Variants in PACS1 observed in about 807,000 individuals in gnomAD.
PACS1 encodes PACS-1.
PACS1 carries 24 observed loss-of-function variants against 115.0 expected under a neutral mutation model. The ratio of observed to expected loss-of-function variants is 0.21; its 90% CI spans 0.15 to 0.29. PACS1 has a LOEUF of 0.29. PACS1 is among the 10% of genes least tolerant of loss of function. PACS1 has a pLI of 1.00. For missense variants in PACS1, 838 were observed against 1,251.2 expected, an observed-to-expected ratio of 0.67 and a Z score of 4.98; for synonymous variants, 453 against 504.5, an observed-to-expected ratio of 0.90 and a Z score of 1.37.
intron 1 of PACS1, among the ~76,000 whole-genome samples, chr11:66,115,759 C>A (rs980500569): frequency 6.6e-6 from 1 of 152,228 alleles, no homozygotes; most frequent in Non-Finnish European, 1.5e-5. Flanking sequence ...TATTAGCTGA[C>A]CTCGGTATTA....
At position 66,212,919 on chromosome 11, in the gene PACS1, G is replaced by A. The variant is rs1188688819; in HGVS notation, c.660+1660G>A. Reference sequence around the variant, plus strand: ...GGCTGGAGTGCGCTGGCACAATCTCGGCTCACTGCAACCTCTACCTCCCGG... The same window carrying A: ...GGCTGGAGTGCGCTGGCACAATCTCAGCTCACTGCAACCTCTACCTCCCGG... On this transcript the variant is annotated intron_variant, in intron 4 of 23. Coordinates refer to ENST00000320580, the MANE Select transcript of PACS1 (RefSeq NM_018026.4). 1.4e-4 allele frequency among the ~76,000 whole-genome samples: 21 copies of A among 152,202 alleles called. No individual in the cohort carries two copies. In the South Asian group the frequency reaches 2.7e-3, roughly 20 times the overall value.
intron 1 of PACS1, among the ~76,000 whole-genome samples, chr11:66,178,638 T>C (rs1041086803): frequency 6.6e-6 from 1 of 152,018 alleles, no homozygotes; most frequent in Non-Finnish European, 1.5e-5. Context: ...ATAATAAAAT[T>C]AAAATAAAAA....
At chr11:66,108,671 G>A (rs891683115) in intron 1 of PACS1, among the ~76,000 whole-genome samples, 2 of 152,158 alleles carry the variant, frequency 1.3e-5, no homozygotes, top group East Asian at 1.9e-4. Context: ...AGGCTGAAGT[G>A]GGAGGATCAC....
intron 10 of PACS1, among the ~76,000 whole-genome samples, chr11:66,222,519 C>T (rs1234709043): frequency 3.3e-5 from 5 of 152,062 alleles, no homozygotes; most frequent in Admixed American, 6.6e-5. Context: ...GCTCTTCCTT[C>T]GTTTACAATG....
chr11:66,092,308 C>T (rs1453623762), intron 1 of PACS1, among the ~76,000 whole-genome samples: 2 of 152,118 alleles, frequency 1.3e-5, no homozygotes, highest in African/African-American at 4.8e-5. Context: ...TTTTTGGCTG[C>T]ATAAATGTCT....
intron 1 of PACS1, among the ~76,000 whole-genome samples, chr11:66,128,816 G>A (rs937612457): frequency 3.3e-5 from 5 of 151,766 alleles, no homozygotes; most frequent in African/African-American, 1.2e-4. Flanking sequence ...CCCGTGAGGC[G>A]GAGGTTGCAG....
At chr11:66,149,090 C>CTTTT (rs10717909) in intron 1 of PACS1, among the ~76,000 whole-genome samples, 1 of 98,134 alleles carries the variant, frequency 1.0e-5, no homozygotes, top group African/African-American at 4.0e-5. Context: ...TGCACACGCA[C>CTTTT]TTTTTTTTTT....
Position 66,234,246 on chromosome 11 carries a change from A to G in PACS1, c.2104+4A>G, listed in dbSNP as rs751969864. On this transcript the variant is annotated splice_donor_region_variant and intron_variant, in intron 17 of 23. Coordinates refer to ENST00000320580, the MANE Select transcript of PACS1 (RefSeq NM_018026.4). The stretch of plus-strand genomic sequence containing the variant: ...CGCTCGGAGCCACCAGTGTCAGGTA[A>G]TGGCCCCGTGTAAGGAGCTTACTCC... The G allele has an allele frequency of 1.2e-6, 2 of 1,602,944 alleles. No homozygotes were observed. Among genetic ancestry groups the G allele is most frequent in the African/African-American group, 1.3e-5 (1 of 74,690 alleles).
chr11:66,070,955 C>A lies in PACS1; in HGVS notation c.356+113C>A. 1 of 1,115,824 alleles carries A rather than the reference C, an allele frequency of 9.0e-7. No individual in the cohort carries two copies. The highest frequency in any genetic ancestry group is 1.2e-6 in the Non-Finnish European group (1 of 852,682). The allele number at this position is 1,115,824 out of a possible 1,614,324, so 69.1% of individuals were successfully genotyped here. A position where few individuals can be genotyped will look rare whatever the true frequency, so the allele number is the denominator to read the frequency against. On this transcript the variant is annotated intron_variant, in intron 1 of 23. Coordinates refer to ENST00000320580, the MANE Select transcript of PACS1 (RefSeq NM_018026.4). This position sits in a 1 kb window ranked among gnomAD's most constrained non-coding sequence, Gnocchi z 5.9. ...CCGCCCTCCATCTCCCCGACTGTCC[C>A]GCGGCCCGGCCTGGCTCCAGCCAGG...
At position 66,234,227 on chromosome 11, in the gene PACS1, G is replaced by A. The variant is rs201575137; in HGVS notation, c.2089G>A (p.Glu697Lys). 3.1e-6 allele frequency: 5 copies of A among 1,613,250 alleles called. No individual in the cohort carries two copies. Among genetic ancestry groups the A allele is most frequent in the Non-Finnish European group, 4.2e-6 (5 of 1,179,314 alleles). The change falls in exon 17 of 24, where the codon GAG becomes AAG. Residue 697 changes from glutamate (E) to lysine (K), a missense_variant. Physicochemically the swap from Glu to Lys is moderately conservative, Grantham distance 56. Coordinates refer to ENST00000320580, the MANE Select transcript of PACS1 (RefSeq NM_018026.4). ...TTGGAGAGATCTGTTCAGTCGCTCG[G>A]AGCCACCAGTGTCAGGTAATGGCCC... ...SGWRDLFSRSEPPVSEQLDVA... is the reference protein window; with the variant it reads ...SGWRDLFSRSKPPVSEQLDVA...
chr11:66,239,066 A>G, intron 20 of PACS1, 76 bp from the exon 21 acceptor site: 1 of 1,599,232 alleles, frequency 6.3e-7, no homozygotes, highest in Non-Finnish European at 8.6e-7. Flanking sequence ...GATGGGAGGA[A>G]CCCCGGCTCC....
chr11:66,103,169 T>C (rs1385119003), intron 1 of PACS1, among the ~76,000 whole-genome samples: 1 of 152,200 alleles, frequency 6.6e-6, no homozygotes, highest in Admixed American at 6.5e-5. Context: ...GTTGAAATGA[T>C]AAACGTCCTT....
At position 66,201,225 on chromosome 11, in the gene PACS1, A is replaced by C. The variant is rs189051045; in HGVS notation, c.444+7652A>C. On this transcript the variant is annotated intron_variant, in intron 2 of 23. Transcript: ENST00000320580. ...CAGAGTGAGCCTCTGTCTCAAAAAA[A>C]AAAAAAGTTGAAATAATATCAGGCA... Among the ~76,000 whole-genome samples the C allele has an allele frequency of 4.2e-3, 637 of 152,250 alleles. 5 individuals are homozygous for C. The highest frequency in any genetic ancestry group is 7.0e-3 in the Non-Finnish European group (477 of 68,010).
At chr11:66,220,506 A>G (rs1590828921) in intron 8 of PACS1, 125 bp from the exon 9 acceptor site, 1 of 868,104 alleles carries the variant, frequency 1.2e-6, no homozygotes, top group South Asian at 1.7e-5. Context: ...TACTCCAGCC[A>G]GTGTGAAGCT....
chr11:66,149,679 C>CTTGTGT lies in PACS1; in HGVS notation c.357-43807_357-43806insTTGTGT, dbSNP rs1554982390. Among the ~76,000 whole-genome samples the CTTGTGT allele has an allele frequency of 4.2e-5, 5 of 118,422 alleles. No individual in the cohort carries two copies. In the East Asian group the frequency reaches 1.0e-3, roughly 24 times the overall value. 77.7% of individuals were successfully genotyped at this position (118,422 alleles called of 152,430 possible). A position where few individuals can be genotyped will look rare whatever the true frequency, so the allele number is the denominator to read the frequency against. On this transcript the variant is annotated intron_variant, in intron 1 of 23. Coordinates refer to ENST00000320580, the MANE Select transcript of PACS1 (RefSeq NM_018026.4). ...CTACATCCATTCCACATCTTGTGTTCGTGTGTGTGTGTGTGTGTGTGTGTG... is the reference window on the plus strand; with the variant it reads ...CTACATCCATTCCACATCTTGTGTTCTTGTGTGTGTGTGTGTGTGTGTGTGTGTGTG...
chr11:66,090,915 TG>T (rs1210532672), intron 1 of PACS1, among the ~76,000 whole-genome samples: 1 of 152,220 alleles, frequency 6.6e-6, no homozygotes, highest in East Asian at 1.9e-4. Context: ...GAACTTGGAA[TG>T]TAAGTTGTGA....
At chr11:66,094,469 A>T (rs1347098096) in intron 1 of PACS1, among the ~76,000 whole-genome samples, 1 of 151,314 alleles carries the variant, frequency 6.6e-6, no homozygotes, top group Non-Finnish European at 1.5e-5. Context: ...ATTCCTCGAC[A>T]CATACACCCT....
chr11:66,134,502 G>A (rs573501516), intron 1 of PACS1, among the ~76,000 whole-genome samples: 7 of 151,880 alleles, frequency 4.6e-5, no homozygotes, highest in Admixed American at 1.3e-4. Context: ...GCTACGTATC[G>A]TTGCCATTTC....
intron 19 of PACS1, chr11:66,238,565 A>G (rs1351393924): frequency 8.6e-6 from 4 of 467,720 alleles, no homozygotes; most frequent in Non-Finnish European, 1.5e-5. Flanking sequence ...CAGTGGCGCC[A>G]TCTCAGCTCA....
Sources: gnomAD v4.1 joint callset for allele counts (sites outside exome capture counted in the v4.1 genomes callset) on GRCh38, gnomAD v4.1.1 for gene constraint, Gnocchi (gnomAD v3.1) non-coding constraint, MANE v1.5 for transcripts, NCBI Gene and HGNC (gene_info 2026-07-23, HGNC 2026-07-21) for gene names.